Variants in AP3B2 observed in about 807,000 individuals in gnomAD.
AP3B2 encodes the protein adaptor related protein complex 3 subunit beta 2, also known as AP-3 complex subunit beta-2.
Under a neutral mutation model 126.9 loss-of-function variants are expected in AP3B2, and 50 were observed. The observed-to-expected ratio is 0.39, with a 90% CI of 0.31 to 0.50. The LOEUF is 0.50. Among genes scored for constraint, AP3B2 ranks in the 20% least tolerant of loss-of-function variants. The probability of loss-of-function intolerance (pLI) is 0.79; values close to 1 mark genes in which losing one functional copy is unlikely to be tolerated. For missense variants in AP3B2, 1,177 were observed against 1,426.4 expected (o/e 0.83, Z 2.82); for synonymous variants, 541 against 565.0 (o/e 0.96, Z 0.60).
In AP3B2 at chr15:82,680,103, C is replaced by A; in HGVS notation, c.1110+72G>T. The A allele has an allele frequency of 6.3e-7, 1 of 1,592,360 alleles. No individual in the cohort carries two copies. The highest frequency in any genetic ancestry group is 8.6e-7 in the Non-Finnish European group (1 of 1,167,486). On this transcript the variant is annotated intron_variant, in intron 9 of 26. Transcript: ENST00000535359. This position sits in a 1 kb window ranked among gnomAD's most constrained non-coding sequence, Gnocchi z 6.1. ...TCCCTTTCCCCGGCCCCGGTCCCAG[C>A]CCCGACAACGCCTCCAGTGCCCGCA...
At chr15:82,700,499 A>G (rs968977973) in intron 1 of AP3B2, among the ~76,000 whole-genome samples, 1 of 146,906 alleles carries the variant, frequency 6.8e-6, no homozygotes, top group African/African-American at 2.5e-5. Flanking sequence ...CCTGGGTTCA[A>G]GCAATTCTCC....
intron 1 of AP3B2, among the ~76,000 whole-genome samples, chr15:82,693,399 A>G (rs974580740): frequency 6.6e-6 from 1 of 151,438 alleles, no homozygotes; most frequent in Non-Finnish European, 1.5e-5. Flanking sequence ...GGCATGCACC[A>G]CCACGCTCGG....
In AP3B2 at chr15:82,664,260, A is replaced by G. The variant is rs2048011094; in HGVS notation, c.2261+107T>C. The G allele has an allele frequency of 6.4e-7, 1 of 1,554,760 alleles. No individual in the cohort carries two copies. The highest frequency in any genetic ancestry group is 2.3e-5 in the East Asian group (1 of 44,144). ...GTGAGCTGACAGCCCCACCCAGCTC[A>G]CGAGGGGCTCAGGGGCTCTTAGGAG... On this transcript the variant is annotated intron_variant, in intron 19 of 26. Coordinates refer to ENST00000535359, the MANE Select transcript of AP3B2 (RefSeq NM_001278512.2). This position sits in a 1 kb window ranked among gnomAD's most constrained non-coding sequence, Gnocchi z 4.5.
Position 82,670,112 on chromosome 15 carries a change from T to TTGGGG in AP3B2, c.1666-3180_1666-3179insCCCCA, listed in dbSNP as rs1555465704. Among the ~76,000 whole-genome samples the TTGGGG allele has an allele frequency of 2.0e-4, 14 of 68,932 alleles. 2 individuals are homozygous for TTGGGG. Among genetic ancestry groups the TTGGGG allele is most frequent in the African/African-American group, 5.1e-4 (8 of 15,684 alleles). 45.2% of individuals were successfully genotyped at this position (68,932 alleles called of 152,430 possible). A position where few individuals can be genotyped will look rare whatever the true frequency, so the allele number is the denominator to read the frequency against. On this transcript the variant is annotated intron_variant, in intron 14 of 26. Transcript: ENST00000535359. ...AAAAAATCAGTGGCTTTTTTTTTTT[T>TTGGGG]GGCGGGGGGGGACGAAGATGAAGTC...
Position 82,662,213 on chromosome 15 carries a change from C to T in AP3B2, c.2873G>A (p.Gly958Asp), listed in dbSNP as rs868189012. The change falls in exon 24 of 27, where the codon GGC becomes GAC. Residue 958 changes from glycine to aspartate, a missense_variant. Coordinates refer to ENST00000535359, the MANE Select transcript of AP3B2 (RefSeq NM_001278512.2). ...APGESATAVM[G>D]INFCDSTQAA... ...CTGGGTTGAGTCACAGAAATTAATG[C>T]CCATTACAGCAGTGGCAGATTCTCC... The T allele has an allele frequency of 6.2e-7, 1 of 1,603,266 alleles. No homozygotes were observed. Among genetic ancestry groups the T allele is most frequent in the South Asian group, 1.1e-5 (1 of 88,618 alleles).
At chr15:82,678,194 A>G in intron 10 of AP3B2, 27 bp from the exon 11 acceptor site, 1 of 1,611,850 alleles carries the variant, frequency 6.2e-7, no homozygotes, top group South Asian at 1.1e-5. Flanking sequence ...AGAGGCAGAA[A>G]ATGGGTGGGT....
At chr15:82,696,743 G>C (rs1427724893) in intron 1 of AP3B2, among the ~76,000 whole-genome samples, 1 of 152,138 alleles carries the variant, frequency 6.6e-6, no homozygotes, top group Admixed American at 6.5e-5. Flanking sequence ...GGTATTCCTT[G>C]GCCAGATGCC....
At chr15:82,670,018 A>C (rs1398172022) in intron 14 of AP3B2, among the ~76,000 whole-genome samples, 8 of 145,636 alleles carry the variant, frequency 5.5e-5, no homozygotes, top group East Asian at 4.0e-4. Flanking sequence ...AAAAAAAAAA[A>C]AAAAAACCCA....
Position 82,661,904 on chromosome 15 carries a change from G to C in AP3B2, c.2937C>G (p.Phe979Leu). The change falls in exon 25 of 27, where the codon TTC becomes TTG. Residue 979 changes from phenylalanine to leucine, a missense_variant. This residue lies in a region of AP3B2 where 587 missense variants were observed against 571.3 expected (regional missense o/e 1.03). Coordinates refer to ENST00000535359, the MANE Select transcript of AP3B2 (RefSeq NM_001278512.2). ...NFQLCTQTRQ[F>L]YVSIQPPVGE... ...CAACAGGTGGCTGAATGGAGACGTA[G>C]AACTGTCGGGTCTGGGTGCTGGGAG... 6.2e-7 allele frequency: 1 copy of C among 1,613,888 alleles called. No individual in the cohort carries two copies. The highest frequency in any genetic ancestry group is 8.5e-7 in the Non-Finnish European group (1 of 1,179,840).
intron 1 of AP3B2, among the ~76,000 whole-genome samples, chr15:82,696,014 G>C (rs2048624437): frequency 6.6e-6 from 1 of 152,086 alleles, no homozygotes; most frequent in Admixed American, 6.5e-5. Flanking sequence ...ACACACTTTG[G>C]GTTTTTCTGT....
intron 25 of AP3B2, among the ~76,000 whole-genome samples, chr15:82,660,226 G>T (rs1447990135): frequency 1.3e-5 from 2 of 152,132 alleles, no homozygotes; most frequent in Admixed American, 6.5e-5. Flanking sequence ...TGTTACCAAA[G>T]ACTGATTTGG....
intron 1 of AP3B2, among the ~76,000 whole-genome samples, chr15:82,708,302 C>T (rs572473358): frequency 3.9e-5 from 6 of 152,130 alleles, no homozygotes; most frequent in African/African-American, 1.4e-4. Context: ...TTTCCCTTCG[C>T]TGACTCTTTT....
At chr15:82,672,834 C>T (rs2048179739) in intron 14 of AP3B2, among the ~76,000 whole-genome samples, 2 of 152,194 alleles carry the variant, frequency 1.3e-5, no homozygotes, top group South Asian at 4.1e-4. Flanking sequence ...AGAAATTAAG[C>T]ATCCGTGTTG....
rs150193395 is a variant in AP3B2 at position 82,671,461 on chromosome 15, G to A, written c.1666-4528C>T. ...TTCCTTAAAAAACTAAACATAGGCC[G>A]GGCACGGTGGCTCACACCTGTAATC... is the stretch of plus-strand genomic sequence containing the variant. On this transcript the variant is annotated intron_variant, in intron 14 of 26. Coordinates refer to ENST00000535359, the MANE Select transcript of AP3B2 (RefSeq NM_001278512.2). 6.3e-4 allele frequency among the ~76,000 whole-genome samples: 96 copies of A among 152,210 alleles called. No homozygotes were observed. In the East Asian group the frequency reaches 0.015, roughly 24 times the overall value.
Position 82,665,458 on chromosome 15 carries a change from T to A in AP3B2, c.1970A>T (p.Glu657Val). Residue 657 changes from glutamate to valine, a missense_variant and splice_region_variant, in exon 16 of 27, where the codon GAG becomes GTG. Transcript: ENST00000535359. The surrounding 1 kb of genome is among the most constrained non-coding windows in gnomAD (Gnocchi z 4.4). The part of the protein sequence containing the change: ...EAPDPSVRNV[E>V]EEDLSLIETH... Reference sequence around the variant, plus strand: ...ACTTCAACCCTCCACCCCGCTGACCTCCACGTTGCGCACAGATGGGTCTGG... The same window carrying A: ...ACTTCAACCCTCCACCCCGCTGACCACCACGTTGCGCACAGATGGGTCTGG... The A allele has an allele frequency of 6.2e-7, 1 of 1,600,558 alleles. No individual in the cohort carries two copies. Among genetic ancestry groups the A allele is most frequent in the African/African-American group, 1.4e-5 (1 of 70,420 alleles).
chr15:82,685,386 C>T (rs2048410293), intron 4 of AP3B2: 1 of 152,186 alleles, frequency 6.6e-6, no homozygotes, highest in African/African-American at 2.4e-5. Flanking sequence ...TGTACTATTA[C>T]TCTTAGAGAA....
chr15:82,667,675 C>T (rs930663298), intron 14 of AP3B2, among the ~76,000 whole-genome samples: 1 of 152,226 alleles, frequency 6.6e-6, no homozygotes, highest in African/African-American at 2.4e-5. Flanking sequence ...CCTTCTGGCA[C>T]CAACTCTGTG....
intron 4 of AP3B2, chr15:82,686,473 A>C (rs1596187330): frequency 6.6e-6 from 1 of 152,376 alleles, no homozygotes; most frequent in South Asian, 2.1e-4. Context: ...ATTGCTTAAC[A>C]ATATGCAAAT....
chr15:82,663,525 T>G (rs773724017), intron 21 of AP3B2, 35 bp downstream of exon 21: 11 of 1,607,698 alleles, frequency 6.8e-6, no homozygotes, highest in Non-Finnish European at 6.8e-6. Context: ...TCCCCAGGCC[T>G]CCTTTCCCCT....
Sources: gnomAD v4.1 joint callset for allele counts (sites outside exome capture counted in the v4.1 genomes callset) on GRCh38, gnomAD v4.1.1 for gene constraint, gnomAD v4.1.1 regional missense constraint, Gnocchi (gnomAD v3.1) non-coding constraint, MANE v1.5 for transcripts, NCBI Gene and HGNC (gene_info 2026-07-23, HGNC 2026-07-21) for gene names.